The following CELF2 variants were observed in gnomAD, a reference collection of about 807,000 sequenced individuals.
CELF2 encodes the protein CUGBP Elav-like family member 2.
CELF2 carries 8 observed loss-of-function variants against 62.6 expected under a neutral mutation model. The ratio of observed to expected loss-of-function variants is 0.13; its 90% CI spans 0.07 to 0.23. The LOEUF is 0.23. CELF2 is among the 10% of genes least tolerant of loss of function. The pLI, the probability that CELF2 is intolerant of heterozygous loss-of-function variation, is 1.00. For missense variants in CELF2, 333 were observed against 671.0 expected (o/e 0.50, Z 5.56); for synonymous variants, 258 against 250.0 (o/e 1.03, Z -0.30).
chr10:10,787,586 G>C, the CELF2 span, among the ~76,000 whole-genome samples: 1 of 152,156 alleles, frequency 6.6e-6, no homozygotes, highest in Non-Finnish European at 1.5e-5. Flanking sequence ...CGAAGGCAGA[G>C]GTATATAAAG....
At chr10:11,251,644 G>A (rs75206038) in intron 4 of CELF2, among the ~76,000 whole-genome samples, 3 of 152,106 alleles carry the variant, frequency 2.0e-5, no homozygotes, top group Non-Finnish European at 4.4e-5. Context: ...TTGTCCTTGG[G>A]CAAGTTATTT....
the CELF2 span, among the ~76,000 whole-genome samples, chr10:10,613,721 T>G: frequency 6.6e-6 from 1 of 152,204 alleles, no homozygotes; most frequent in African/African-American, 2.4e-5. Context: ...TAATCCTTCC[T>G]GAAAATGCTT....
At chr10:11,003,147 G>A (rs1176128955), upstream of CELF2, among the ~76,000 whole-genome samples, 1 of 152,146 alleles carries the variant, frequency 6.6e-6, no homozygotes, top group African/African-American at 2.4e-5. The surrounding 1 kb of genome is among the most constrained non-coding windows in gnomAD (Gnocchi z 4.4). Flanking sequence ...CGTTTAGACA[G>A]GTACTAAACT....
the CELF2 span, among the ~76,000 whole-genome samples, chr10:10,741,516 A>AG: frequency 4.6e-5 from 7 of 150,688 alleles, no homozygotes; most frequent in East Asian, 9.7e-4. Flanking sequence ...AAAAAAAAAA[A>AG]AGAACTTGAC....
chr10:11,315,867 T>C lies in CELF2; in HGVS notation c.1096+1609T>C, dbSNP rs1233384864. The stretch of plus-strand genomic sequence containing the variant: ...TGTGCTCGCACACATCCCCTCATGC[T>C]GCTTCTCTTGCCCCAGGACCTAGTT... On this transcript the variant is annotated intron_variant, in intron 10 of 12. Transcript: ENST00000633077. The surrounding 1 kb of genome is among the most constrained non-coding windows in gnomAD (Gnocchi z 5.8). Among the ~76,000 whole-genome samples, 1 of 152,238 alleles carries C rather than the reference T, an allele frequency of 6.6e-6. No homozygotes were observed. The highest frequency in any genetic ancestry group is 1.5e-5 in the Non-Finnish European group (1 of 68,034).
intron 2 of CELF2, among the ~76,000 whole-genome samples, chr10:11,173,907 A>T (rs2069944039): frequency 6.6e-6 from 1 of 152,232 alleles, no homozygotes; most frequent in South Asian, 2.1e-4. Context: ...ACAGATTGAC[A>T]TAGGTTTATA....
the CELF2 span, among the ~76,000 whole-genome samples, chr10:10,526,490 C>T: frequency 6.6e-6 from 1 of 152,136 alleles, no homozygotes. Context: ...TCTTCCTTTG[C>T]CACTCCCCAT....
Position 11,098,778 on chromosome 10 carries a change from A to G in CELF2, c.75-66708A>G, listed in dbSNP as rs747405610. 7.9e-5 allele frequency among the ~76,000 whole-genome samples: 12 copies of G among 152,312 alleles called. No individual in the cohort carries two copies. Among genetic ancestry groups the G allele is most frequent in the East Asian group, 1.9e-4 (1 of 5,184 alleles). On this transcript the variant is annotated intron_variant, in intron 1 of 12. Coordinates refer to ENST00000633077, the MANE Select transcript of CELF2 (RefSeq NM_001326342.2). This position sits in a 1 kb window ranked among gnomAD's most constrained non-coding sequence, Gnocchi z 4.0. ...TCCTTTATCTGTGTGGTTAATTTCT[A>G]TGAACTGCTGGACAGCTGATTTGAC...
intron 2 of CELF2, chr10:10,927,258 T>C (rs2134992985): frequency 6.7e-6 from 1 of 149,734 alleles, no homozygotes; most frequent in East Asian, 2.0e-4. Context: ...AAACTTAAAC[T>C]TAATGTGGCC....
chr10:11,299,397 T>C (rs982616876), intron 9 of CELF2, among the ~76,000 whole-genome samples: 4 of 152,122 alleles, frequency 2.6e-5, no homozygotes, highest in Non-Finnish European at 5.9e-5. Flanking sequence ...TGGGGTCATG[T>C]TGCCCAGAGG....
At chr10:11,201,490 A>T (rs2059203730) in intron 2 of CELF2, among the ~76,000 whole-genome samples, 1 of 152,218 alleles carries the variant, frequency 6.6e-6, no homozygotes, top group African/African-American at 2.4e-5. Context: ...TGGAGGACTC[A>T]TATCTGCTCT....
At chr10:10,545,528 C>G in the CELF2 span, among the ~76,000 whole-genome samples, 1 of 152,212 alleles carries the variant, frequency 6.6e-6, no homozygotes, top group Non-Finnish European at 1.5e-5. Context: ...AGTTAATTAC[C>G]TACCACATTA....
Position 11,257,731 on chromosome 10 carries a change from C to G in CELF2, c.404-7C>G. The G allele has an allele frequency of 6.2e-7, 1 of 1,612,734 alleles. No individual in the cohort carries two copies. The highest frequency in any genetic ancestry group is 1.7e-5 in the Admixed American group (1 of 59,994). ...GCCTTTGCTCATTCGTTATTTTTATCTCCTAGCTGTGGAAGACAGAAAATT... is the reference window on the plus strand; with the variant it reads ...GCCTTTGCTCATTCGTTATTTTTATGTCCTAGCTGTGGAAGACAGAAAATT... On this transcript the variant is annotated splice_polypyrimidine_tract_variant and splice_region_variant and intron_variant, in intron 4 of 12. Coordinates refer to ENST00000633077, the MANE Select transcript of CELF2 (RefSeq NM_001326342.2).
rs2094808183 is a variant in CELF2, at chr10:11,314,712, G to A, written c.1096+454G>A. ...TCTGGGCTTGGGAGTCTCCATTTGA[G>A]AATGGAAAGTTCTGGGTCAGATGAT... On this transcript the variant is annotated intron_variant, in intron 10 of 12. Transcript: ENST00000633077. The surrounding 1 kb of genome is among the most constrained non-coding windows in gnomAD (Gnocchi z 5.3). 4.2e-6 allele frequency: 1 copy of A among 238,620 alleles called. No homozygotes were observed. Among genetic ancestry groups the A allele is most frequent in the Non-Finnish European group, 8.4e-6 (1 of 119,656 alleles). The allele number at this position is 238,620 out of a possible 1,614,324, so 14.8% of individuals were successfully genotyped here.
the CELF2 span, among the ~76,000 whole-genome samples, chr10:10,509,110 T>C: frequency 6.6e-6 from 1 of 152,196 alleles, no homozygotes; most frequent in Non-Finnish European, 1.5e-5. Flanking sequence ...CAATCTAGGA[T>C]TGGAGGTTCT....
At chr10:10,580,363 A>G in the CELF2 span, among the ~76,000 whole-genome samples, 137 of 152,282 alleles carry the variant, frequency 9.0e-4, 1 homozygote, top group Middle Eastern at 3.4e-3. Context: ...GGCATCTAGA[A>G]TTGTTCACTG....
chr10:10,963,889 A>C (rs897502800), intron 2 of CELF2, among the ~76,000 whole-genome samples: 6 of 152,166 alleles, frequency 3.9e-5, no homozygotes, highest in African/African-American at 1.2e-4. Context: ...TATGTCCTCA[A>C]TGGAGATGCC....
chr10:10,695,422 C>T, the CELF2 span, among the ~76,000 whole-genome samples: 2 of 149,650 alleles, frequency 1.3e-5, no homozygotes, highest in Non-Finnish European at 3.0e-5. Flanking sequence ...CGACCTTTCT[C>T]TCTGGCTGCC....
intron 9 of CELF2, among the ~76,000 whole-genome samples, chr10:11,310,582 C>G (rs557983879): frequency 6.6e-6 from 1 of 152,136 alleles, no homozygotes; most frequent in East Asian, 1.9e-4. Context: ...TTTAGAAGTA[C>G]TTCCCTGGTG....
Sources: gnomAD v4.1 joint callset for allele counts (sites outside exome capture counted in the v4.1 genomes callset) on GRCh38, gnomAD v4.1.1 for gene constraint, Gnocchi (gnomAD v3.1) non-coding constraint, MANE v1.5 for transcripts, NCBI Gene and HGNC (gene_info 2026-07-23, HGNC 2026-07-21) for gene names.